ACTN4: variants seen among roughly 807,000 people sequenced by gnomAD.
ACTN4 encodes the protein alpha-actinin-4.
A neutral mutation model predicts 114.2 loss-of-function variants in ACTN4; 18 were observed. That is an observed-to-expected ratio of 0.16 (90% confidence interval 0.11 to 0.23). The LOEUF is 0.23. Among genes scored for constraint, ACTN4 ranks in the 10% least tolerant of loss-of-function variants. ACTN4 has a pLI of 1.00. For synonymous variants in ACTN4, 515 were observed against 506.3 expected (o/e 1.02, Z -0.23); for missense variants, 722 against 1,262.9 (o/e 0.57, Z 6.49).
In ACTN4 at chr19:38,729,471, A is replaced by G; in HGVS notation, c.*39A>G. 6.5e-7 allele frequency: 1 copy of G among 1,542,272 alleles called. No individual in the cohort carries two copies. On this transcript the variant is annotated 3_prime_UTR_variant, in exon 21 of 21. Coordinates refer to ENST00000252699, the MANE Select transcript of ACTN4 (RefSeq NM_004924.6). ...TGACCCAACACCCCCGACGGCCTCCAGGAGGGGCCTGGGCAGCCCCACAGT... is the reference window on the plus strand; with the variant it reads ...TGACCCAACACCCCCGACGGCCTCCGGGAGGGGCCTGGGCAGCCCCACAGT...
At chr19:38,716,087 T>A (rs1402313464) in intron 9 of ACTN4, among the ~76,000 whole-genome samples, 1 of 152,128 alleles carries the variant, frequency 6.6e-6, no homozygotes, top group Non-Finnish European at 1.5e-5. Flanking sequence ...TTTTTTTTAG[T>A]AGAGATGGGG....
chr19:38,675,881 C>G (rs754099292), intron 1 of ACTN4, among the ~76,000 whole-genome samples: 1 of 152,132 alleles, frequency 6.6e-6, no homozygotes, highest in African/African-American at 2.4e-5. Flanking sequence ...AGAGGCTGCC[C>G]GCAGCTCTCG....
At position 38,727,068 on chromosome 19, in the gene ACTN4, C is replaced by G; in HGVS notation, c.2302C>G (p.Gln768Glu). 1 of 1,614,124 alleles carries G rather than the reference C, an allele frequency of 6.2e-7. No homozygotes were observed. The highest frequency in any genetic ancestry group is 8.5e-7 in the Non-Finnish European group (1 of 1,180,028). ...DAKGISQEQM[Q>E]EFRASFNHFD... ...CAAGGGCATCAGCCAGGAGCAGATG[C>G]AGGAGTTCCGGGCGTCCTTCAACCA... Residue 768 changes from glutamine to glutamate, a missense_variant, in exon 18 of 21, where the codon CAG (glutamine) becomes GAG (glutamate). By Grantham distance (29) the Gln-to-Glu change is conservative. This residue lies in a region of ACTN4 where 523 missense variants were observed against 875.9 expected (regional missense o/e 0.60). Coordinates refer to ENST00000252699, the MANE Select transcript of ACTN4 (RefSeq NM_004924.6). This position sits in a 1 kb window ranked among gnomAD's most constrained non-coding sequence, Gnocchi z 5.4.
At chr19:38,696,401 G>A (rs896906358) in intron 1 of ACTN4, among the ~76,000 whole-genome samples, 2 of 152,108 alleles carry the variant, frequency 1.3e-5, no homozygotes, top group African/African-American at 4.8e-5. Flanking sequence ...GGGCGGCGTG[G>A]TGGGCGCATA....
At chr19:38,673,517 T>TTATATTCATATATATTTA (rs1568689613) in intron 1 of ACTN4, among the ~76,000 whole-genome samples, 2 of 80,392 alleles carry the variant, frequency 2.5e-5, no homozygotes, top group African/African-American at 8.4e-5. Flanking sequence ...GAATATATAT[T>TTATATTCATATATATTTA]TATATATATT....
At chr19:38,647,967 GTGGGAGGT>G in intron 1 of ACTN4, 60 bp downstream of exon 1, 1 of 1,404,424 alleles carries the variant, frequency 7.1e-7, no homozygotes, top group Non-Finnish European at 9.3e-7. Flanking sequence ...CCGGGGAGGG[GTGGGAGGT>G]CCTGAAAGGT....
intron 19 of ACTN4, among the ~76,000 whole-genome samples, chr19:38,728,785 G>T (rs1338419480): frequency 6.6e-6 from 1 of 152,234 alleles, no homozygotes; most frequent in Non-Finnish European, 1.5e-5. Flanking sequence ...CCGGCCTGGG[G>T]CACTGGGGGC....
intron 1 of ACTN4, among the ~76,000 whole-genome samples, chr19:38,698,654 C>T (rs960106228): frequency 6.6e-6 from 1 of 152,144 alleles, no homozygotes; most frequent in African/African-American, 2.4e-5. Context: ...GGCTACATGG[C>T]GGGGCGGAGG....
Position 38,724,393 on chromosome 19 carries a change from C to T in ACTN4, c.1876-38C>T. On this transcript the variant is annotated intron_variant, in intron 15 of 20. Transcript: ENST00000252699. The surrounding 1 kb of genome is among the most constrained non-coding windows in gnomAD (Gnocchi z 7.0). ...GGCAGGACGGCGGGGCTGGGGGCCACCTCCCTGACCGCTCCCACACCGCGT... is the reference window on the plus strand; with the variant it reads ...GGCAGGACGGCGGGGCTGGGGGCCATCTCCCTGACCGCTCCCACACCGCGT... 1 of 1,611,732 alleles carries T rather than the reference C, an allele frequency of 6.2e-7. No individual in the cohort carries two copies.
chr19:38,722,778 T>G (rs796090636), intron 12 of ACTN4, among the ~76,000 whole-genome samples: 8 of 152,218 alleles, frequency 5.3e-5, no homozygotes, highest in African/African-American at 1.9e-4. Flanking sequence ...GAAACAGACT[T>G]GAAATAAACC....
At chr19:38,667,701 TCCA>T (rs768654210) in intron 1 of ACTN4, among the ~76,000 whole-genome samples, 26 of 127,356 alleles carry the variant, frequency 2.0e-4, no homozygotes, top group South Asian at 1.3e-3. Context: ...ATCTGTTTCT[TCCA>T]CCAAAAAAAA....
chr19:38,687,947 G>T (rs770983323), intron 1 of ACTN4, among the ~76,000 whole-genome samples: 1 of 152,134 alleles, frequency 6.6e-6, no homozygotes, highest in South Asian at 2.1e-4. Flanking sequence ...AATGGGCAAA[G>T]GATTCAAATA....
At chr19:38,709,202 C>A (rs1022130620) in intron 6 of ACTN4, among the ~76,000 whole-genome samples, 193 bp from the exon 7 acceptor site, 1 of 152,210 alleles carries the variant, frequency 6.6e-6, no homozygotes, top group African/African-American at 2.4e-5. Flanking sequence ...TCACGAGGCA[C>A]TCCTGTGAGT....
Position 38,731,503 on chromosome 19 carries a change from T to TCCTTAAATCC in ACTN4, c.*2072_*2081dup. On this transcript the variant is annotated 3_prime_UTR_variant, in exon 21 of 21. Transcript: ENST00000252699. ...TGACTCGATGTGTGGGTACTGTTAC[T>TCCTTAAATCC]CCTTAAATCCTGTGGGGCTTTCTCC... is the stretch of plus-strand genomic sequence containing the variant. The TCCTTAAATCC allele has an allele frequency of 2.0e-6, 1 of 493,544 alleles. No individual in the cohort carries two copies. The highest frequency in any genetic ancestry group is 3.7e-6 in the Non-Finnish European group (1 of 269,324). 30.6% of individuals were successfully genotyped at this position (493,544 alleles called of 1,614,324 possible).
intron 1 of ACTN4, among the ~76,000 whole-genome samples, chr19:38,673,683 TA>T (rs1456797540): frequency 3.7e-5 from 4 of 107,862 alleles, no homozygotes; most frequent in African/African-American, 1.6e-4. Flanking sequence ...TTTATATATT[TA>T]TATATATTAT....
chr19:38,648,624 G>A (rs1014201677), intron 1 of ACTN4, among the ~76,000 whole-genome samples: 1 of 151,904 alleles, frequency 6.6e-6, no homozygotes, highest in African/African-American at 2.4e-5. Context: ...GGGTGCGGAA[G>A]GAAGAAGTTA....
In ACTN4 at chr19:38,729,921, C is replaced by T. The variant is rs564893795; in HGVS notation, c.*489C>T. 5.6e-4 allele frequency: 197 copies of T among 350,030 alleles called. No individual in the cohort carries two copies. Among genetic ancestry groups the T allele is most frequent in the African/African-American group, 3.9e-3 (183 of 46,658 alleles). 21.7% of individuals were successfully genotyped at this position (350,030 alleles called of 1,614,324 possible). ...TGGGGACCCACCCAGCCCCTCTCCCCTCTCTGCTCCAGACTCACTTGCCAT... is the reference window on the plus strand; with the variant it reads ...TGGGGACCCACCCAGCCCCTCTCCCTTCTCTGCTCCAGACTCACTTGCCAT... On this transcript the variant is annotated 3_prime_UTR_variant, in exon 21 of 21. Transcript: ENST00000252699.
intron 1 of ACTN4, among the ~76,000 whole-genome samples, chr19:38,667,048 A>G (rs891222324): frequency 6.6e-6 from 1 of 152,182 alleles, no homozygotes; most frequent in Non-Finnish European, 1.5e-5. Context: ...TTTAGCTTGT[A>G]ATTAAGGTGC....
chr19:38,673,517 T>TTATATTCATATATATA (rs1568689613), intron 1 of ACTN4, among the ~76,000 whole-genome samples: 1 of 80,392 alleles, frequency 1.2e-5, no homozygotes, highest in African/African-American at 4.2e-5. Flanking sequence ...GAATATATAT[T>TTATATTCATATATATA]TATATATATT....
Sources: allele counts gnomAD v4.1 joint callset (sites outside exome capture counted in the v4.1 genomes callset), GRCh38; gene constraint gnomAD v4.1.1; regional missense constraint gnomAD v4.1.1; non-coding constraint Gnocchi (gnomAD v3.1); transcripts MANE v1.5; gene names NCBI Gene and HGNC (gene_info 2026-07-23, HGNC 2026-07-21).